The following TRMO variants were observed in gnomAD, a reference collection of about 807,000 sequenced individuals.
TRMO encodes tRNA (adenine(37)-N6)-methyltransferase.
A neutral mutation model predicts 37.2 loss-of-function variants in TRMO; 30 were observed. The ratio of observed to expected loss-of-function variants is 0.81; its 90% CI spans 0.60 to 1.09. The LOEUF (loss-of-function observed/expected upper bound fraction) is 1.09, where lower values mean the gene tolerates loss of function less well. Among genes scored for constraint, TRMO ranks in the 50% least tolerant of loss-of-function variants. The pLI is 0.00. For synonymous variants in TRMO, 239 were observed against 199.4 expected (o/e 1.20, Z -1.67); for missense variants, 552 against 549.5 (o/e 1.00, Z -0.05).
At chr9:97,909,426 C>A (rs148168908) in intron 4 of TRMO, among the ~76,000 whole-genome samples, 170 of 152,308 alleles carry the variant, frequency 1.1e-3, no homozygotes, top group Middle Eastern at 3.4e-3. Context: ...CTCTCTTCTG[C>A]AGCAAAGTGT....
chr9:97,913,211 T>A, intron 3 of TRMO, 190 bp downstream of exon 3: 1 of 471,722 alleles, frequency 2.1e-6, no homozygotes, highest in Non-Finnish European at 3.9e-6. Context: ...CTGAGCATCC[T>A]ATGAGTTTAT....
chr9:97,908,057 T>TC (rs987084200), intron 4 of TRMO, among the ~76,000 whole-genome samples: 5 of 151,764 alleles, frequency 3.3e-5, no homozygotes, highest in African/African-American at 1.2e-4. Flanking sequence ...AGACAGAGGA[T>TC]CCCCTGACCC....
the TRMO span, among the ~76,000 whole-genome samples, chr9:97,899,278 C>T: frequency 6.6e-6 from 1 of 151,850 alleles, no homozygotes. Context: ...GTTCACGGTA[C>T]TGCACGTGTA....
chr9:97,897,854 A>T, the TRMO span, among the ~76,000 whole-genome samples: 107,399 of 151,512 alleles, frequency 0.71, 39,565 homozygotes, highest in East Asian at 0.92. Context: ...ACTTTAAAAA[A>T]TTTTTTTTAA....
At chr9:97,907,702 C>G (rs1825914390) in intron 4 of TRMO, among the ~76,000 whole-genome samples, 1 of 152,120 alleles carries the variant, frequency 6.6e-6, no homozygotes, top group African/African-American at 2.4e-5. Flanking sequence ...TTTTACTTCT[C>G]CCAAGATCAA....
intron 4 of TRMO, among the ~76,000 whole-genome samples, chr9:97,906,582 T>C (rs1332354698): frequency 6.6e-6 from 1 of 152,224 alleles, no homozygotes; most frequent in African/African-American, 2.4e-5. Flanking sequence ...AATCAGTTCC[T>C]GTTTTGTAGT....
downstream of TRMO, among the ~76,000 whole-genome samples, chr9:97,902,816 T>C (rs1002359634): frequency 2.0e-5 from 3 of 152,160 alleles, no homozygotes; most frequent in African/African-American, 7.2e-5. Context: ...GCTCTACCAG[T>C]GTCAACTTCC....
chr9:97,909,825 ATTATT>A (rs1826024969), intron 4 of TRMO, 130 bp downstream of exon 4: 1 of 632,186 alleles, frequency 1.6e-6, no homozygotes, highest in Non-Finnish European at 2.7e-6. Context: ...CTGCAAAAAT[ATTATT>A]TTATACCTGT....
intron 4 of TRMO, among the ~76,000 whole-genome samples, chr9:97,906,840 T>C (rs1444971312): frequency 5.9e-5 from 3 of 51,148 alleles, no homozygotes; most frequent in South Asian, 1.2e-3. Context: ...AGACTCCGTC[T>C]CAAAAAAAAA....
chr9:97,915,666 T>A (rs965641581), intron 2 of TRMO: 2 of 152,236 alleles, frequency 1.3e-5, no homozygotes, highest in Non-Finnish European at 2.9e-5. Flanking sequence ...TATGCACAAA[T>A]ACAGTACAAA....
At chr9:97,921,990 G>A (rs563676200) in intron 1 of TRMO, among the ~76,000 whole-genome samples, 1 of 152,156 alleles carries the variant, frequency 6.6e-6, no homozygotes, top group East Asian at 1.9e-4. Context: ...TGTCTTTCTA[G>A]GCCCAATTTA....
rs1424530702 is a variant in TRMO, at chr9:97,922,472, C to T, written c.22G>A (p.Gly8Arg). Residue 8 changes from glycine to arginine, a missense_variant, in exon 1 of 5, where the codon GGG becomes AGG. Transcript: ENST00000375119. MRGLEES[G>R]PRPTATPCGC... is the part of the protein sequence containing the mutation. ...CACGGGGTCGCTGTAGGCCGAGGCC[C>T]CGACTCCTCCAAGCCGCGCATGGCT... The T allele has an allele frequency of 1.9e-6, 3 of 1,585,068 alleles. No individual in the cohort carries two copies. Among genetic ancestry groups the T allele is most frequent in the South Asian group, 2.3e-5 (2 of 87,160 alleles).
chr9:97,910,408 A>G lies in TRMO; in HGVS notation c.618T>C (p.Cys206=). Residue 206 remains cysteine, a synonymous_variant, in exon 4 of 5, where the codon TGT becomes TGC. Coordinates refer to ENST00000375119, the MANE Select transcript of TRMO (RefSeq NM_016481.5). ...DSCDQRQLSG[C]DEPQPHHSTK... is the part of the protein sequence containing the mutation. ...TGCTATGGTGGGGTTGTGGCTCATC[A>G]CACCCTGAGAGCTGTCGCTGGTCAC... is the stretch of plus-strand genomic sequence containing the variant. 6.2e-7 allele frequency: 1 copy of G among 1,614,088 alleles called. No individual in the cohort carries two copies. The highest frequency in any genetic ancestry group is 2.2e-5 in the East Asian group (1 of 44,874).
Position 97,910,366 on chromosome 9 carries a change from T to C in TRMO, c.660A>G (p.Lys220=), listed in dbSNP as rs765381652. ...CTTCTGAAGTTCTGTCTTCAGGACATTTAGGTTTCCTCTTAGTGCTATGGT... is the reference window on the plus strand; with the variant it reads ...CTTCTGAAGTTCTGTCTTCAGGACACTTAGGTTTCCTCTTAGTGCTATGGT... ...QPHHSTKRKP[K]CPEDRTSEEN... is the part of the protein sequence containing the mutation. The change falls in exon 4 of 5, where the codon AAA becomes AAG. Residue 220 remains lysine (K), a synonymous_variant. Coordinates refer to ENST00000375119, the MANE Select transcript of TRMO (RefSeq NM_016481.5). 16 of 1,614,206 alleles carry C rather than the reference T, an allele frequency of 9.9e-6. No individual in the cohort carries two copies. The highest frequency in any genetic ancestry group is 1.3e-5 in the African/African-American group (1 of 75,040).
chr9:97,901,638 C>G, downstream of TRMO, among the ~76,000 whole-genome samples: 1 of 151,874 alleles, frequency 6.6e-6, no homozygotes, highest in East Asian at 1.9e-4. Flanking sequence ...AGTTTTAAAA[C>G]CACTTGATGG....
intron 1 of TRMO, among the ~76,000 whole-genome samples, chr9:97,920,379 T>C (rs1306037387): frequency 2.6e-5 from 4 of 152,130 alleles, no homozygotes; most frequent in African/African-American, 9.7e-5. Context: ...TTAGGACTGG[T>C]TTCAGAATGG....
rs370421951 is a variant in TRMO, at chr9:97,913,389, G to A, written c.409+12C>T. Reference sequence around the variant, plus strand: ...TGAGGAAAAAGGTAAAAGTAGAAATGAAATGGGTTACCTTCTACCTTTTCC... The same window carrying A: ...TGAGGAAAAAGGTAAAAGTAGAAATAAAATGGGTTACCTTCTACCTTTTCC... On this transcript the variant is annotated intron_variant, in intron 3 of 4. Coordinates refer to ENST00000375119, the MANE Select transcript of TRMO (RefSeq NM_016481.5). 5.6e-6 allele frequency: 9 copies of A among 1,613,660 alleles called. No individual in the cohort carries two copies. Among genetic ancestry groups the A allele is most frequent in the Non-Finnish European group, 6.8e-6 (8 of 1,179,882 alleles).
chr9:97,901,998 A>G (rs1831178817), downstream of TRMO, among the ~76,000 whole-genome samples: 1 of 152,238 alleles, frequency 6.6e-6, no homozygotes, highest in Non-Finnish European at 1.5e-5. Flanking sequence ...TATGAGAAAC[A>G]GCTGAAGAAA....
intron 1 of TRMO, among the ~76,000 whole-genome samples, chr9:97,920,170 A>G (rs1826561237): frequency 6.6e-6 from 1 of 152,236 alleles, no homozygotes; most frequent in Admixed American, 6.5e-5. Context: ...GCACTGTGCT[A>G]AGGACTTGGG....
Sources: gnomAD v4.1 joint callset for allele counts (sites outside exome capture counted in the v4.1 genomes callset) on GRCh38, gnomAD v4.1.1 for gene constraint, MANE v1.5 for transcripts, NCBI Gene and HGNC (gene_info 2026-07-23, HGNC 2026-07-21) for gene names.